Variants in B3GALT1 observed in about 807,000 individuals in gnomAD.
B3GALT1 encodes the protein UDP-Gal:betaGlcNAc beta 1,3-galactosyltransferase, polypeptide 1.
A neutral mutation model predicts 23.2 loss-of-function variants in B3GALT1; 10 were observed. The ratio of observed to expected loss-of-function variants is 0.43; its 90% CI spans 0.27 to 0.73. The LOEUF (loss-of-function observed/expected upper bound fraction) is 0.73. Among genes scored for constraint, B3GALT1 ranks in the 30% least tolerant of loss-of-function variants. B3GALT1 has a pLI of 0.21. For missense variants in B3GALT1, 299 were observed against 405.4 expected (o/e 0.74, Z 2.25); for synonymous variants, 156 against 141.5 (o/e 1.10, Z -0.73).
At chr2:167,864,106 C>G (rs1484535237) in intron 4 of B3GALT1, among the ~76,000 whole-genome samples, 1 of 152,150 alleles carries the variant, frequency 6.6e-6, no homozygotes, top group Non-Finnish European at 1.5e-5. Context: ...CCACCCTGCT[C>G]TCAGCATCTT....
intron 4 of B3GALT1, among the ~76,000 whole-genome samples, chr2:167,834,180 G>A (rs978252695): frequency 4.6e-5 from 7 of 152,184 alleles, no homozygotes; most frequent in African/African-American, 1.7e-4. Context: ...GGGTCATCAT[G>A]TCTTTATACT....
At chr2:167,306,683 C>G (rs913381953) in intron 1 of B3GALT1, among the ~76,000 whole-genome samples, 1 of 151,980 alleles carries the variant, frequency 6.6e-6, no homozygotes, top group Non-Finnish European at 1.5e-5. Flanking sequence ...TCATTGTCTT[C>G]TATGTAACAA....
At chr2:167,864,673 C>T (rs1338159073) in intron 4 of B3GALT1, among the ~76,000 whole-genome samples, 1 of 152,176 alleles carries the variant, frequency 6.6e-6, no homozygotes, top group Non-Finnish European at 1.5e-5. Flanking sequence ...TCTCAACAGG[C>T]CTTAGGAAGC....
At chr2:167,787,216 G>A (rs1688356126) in intron 3 of B3GALT1, among the ~76,000 whole-genome samples, 1 of 152,126 alleles carries the variant, frequency 6.6e-6, no homozygotes. Flanking sequence ...GTGTTGCTAT[G>A]GACAAGTGAC....
intron 2 of B3GALT1, among the ~76,000 whole-genome samples, chr2:167,610,369 C>T (rs1163175727): frequency 1.3e-5 from 2 of 152,046 alleles, no homozygotes; most frequent in Non-Finnish European, 2.9e-5. Context: ...CATTGGAAAA[C>T]ATGTTCCTTG....
intron 4 of B3GALT1, among the ~76,000 whole-genome samples, chr2:167,833,838 C>T (rs1689400427): frequency 6.6e-6 from 1 of 152,174 alleles, no homozygotes; most frequent in South Asian, 2.1e-4. Flanking sequence ...ATACTGGAAG[C>T]TCCTGCTGTA....
At position 167,813,712 on chromosome 2, in the gene B3GALT1, C is replaced by G. The variant is rs145457986; in HGVS notation, c.-351-4960C>G. On this transcript the variant is annotated intron_variant, in intron 3 of 4. Coordinates refer to ENST00000392690, the MANE Select transcript of B3GALT1 (RefSeq NM_020981.4). ...AAAGAGCTCAGAAGAAGAAAGAACTCTGATACATGTGCAGCTTTGTTCAGA... is the reference window on the plus strand; with the variant it reads ...AAAGAGCTCAGAAGAAGAAAGAACTGTGATACATGTGCAGCTTTGTTCAGA... Among the ~76,000 whole-genome samples the G allele has an allele frequency of 2.4e-3, 366 of 152,306 alleles. 1 individual carries two copies. The highest frequency in any genetic ancestry group is 0.017 in the Middle Eastern group (5 of 294).
chr2:167,296,602 G>A (rs1696353270), intron 1 of B3GALT1, among the ~76,000 whole-genome samples: 1 of 152,110 alleles, frequency 6.6e-6, no homozygotes, highest in Non-Finnish European at 1.5e-5. Flanking sequence ...TGATGAATGT[G>A]CATCATAAAG....
chr2:167,427,696 G>C (rs141637888), intron 1 of B3GALT1, among the ~76,000 whole-genome samples: 160 of 152,184 alleles, frequency 1.1e-3, no homozygotes, highest in African/African-American at 3.6e-3. Flanking sequence ...ACCACACCCA[G>C]CTAGTTTTTT....
intron 1 of B3GALT1, among the ~76,000 whole-genome samples, chr2:167,351,857 G>A (rs72886349): frequency 6.8e-6 from 1 of 148,124 alleles, no homozygotes; most frequent in Non-Finnish European, 1.5e-5. Flanking sequence ...TTTCACTCTT[G>A]ACACAGGTAA....
In B3GALT1 at chr2:167,698,392, G is replaced by C. The variant is rs550877700; in HGVS notation, c.-352+51426G>C. On this transcript the variant is annotated intron_variant, in intron 3 of 4. Transcript: ENST00000392690. ...CTCCTTCCTATTTTGCAATCTGTTA[G>C]TGTGTTAATGGATTTAAATGAAAAA... Among the ~76,000 whole-genome samples, 16 of 152,220 alleles carry C rather than the reference G, an allele frequency of 1.1e-4. 1 individual carries two copies. In the South Asian group the frequency reaches 1.2e-3, roughly 12 times the overall value.
chr2:167,430,487 A>C (rs1397551437), intron 1 of B3GALT1, among the ~76,000 whole-genome samples: 1 of 152,170 alleles, frequency 6.6e-6, no homozygotes, highest in Non-Finnish European at 1.5e-5. Context: ...GAGTCAAAGG[A>C]AATCAAGAAG....
At chr2:167,710,297 T>C (rs947261064) in intron 3 of B3GALT1, among the ~76,000 whole-genome samples, 1 of 152,216 alleles carries the variant, frequency 6.6e-6, no homozygotes, top group Non-Finnish European at 1.5e-5. Context: ...TGTGTATGGC[T>C]TATGTACTCA....
intron 3 of B3GALT1, among the ~76,000 whole-genome samples, chr2:167,681,185 A>G (rs1223847925): frequency 6.6e-6 from 1 of 152,228 alleles, no homozygotes; most frequent in Non-Finnish European, 1.5e-5. Flanking sequence ...GCCACATGAT[A>G]TAGAAATATT....
intron 2 of B3GALT1, among the ~76,000 whole-genome samples, chr2:167,512,596 A>ACG (rs1558887816): frequency 0.11 from 8,338 of 75,090 alleles, 846 homozygotes; most frequent in East Asian, 0.19. Context: ...ATATATGTGT[A>ACG]TATATATATA....
At chr2:167,495,819 A>G (rs1699775939) in intron 2 of B3GALT1, among the ~76,000 whole-genome samples, 1 of 152,158 alleles carries the variant, frequency 6.6e-6, no homozygotes, top group Admixed American at 6.5e-5. Context: ...AATGTTTCGT[A>G]TGGTGAAGGG....
At chr2:167,440,765 C>T (rs772742606) in intron 1 of B3GALT1, among the ~76,000 whole-genome samples, 1 of 151,766 alleles carries the variant, frequency 6.6e-6, no homozygotes, top group Admixed American at 6.6e-5. Context: ...TAAAATTGAC[C>T]TTTCTTATCT....
intron 2 of B3GALT1, among the ~76,000 whole-genome samples, chr2:167,513,443 G>T (rs1328650601): frequency 6.6e-6 from 1 of 152,112 alleles, no homozygotes; most frequent in Non-Finnish European, 1.5e-5. Context: ...CAAATCAATG[G>T]CAGAAGACAT....
chr2:167,299,221 A>T (rs7578183), intron 1 of B3GALT1, among the ~76,000 whole-genome samples: 1 of 152,150 alleles, frequency 6.6e-6, no homozygotes. Flanking sequence ...TCATGTGGGT[A>T]ACTTTTCTAG....
Sources: gnomAD v4.1 joint callset for allele counts (sites outside exome capture counted in the v4.1 genomes callset) on GRCh38, gnomAD v4.1.1 for gene constraint, MANE v1.5 for transcripts, NCBI Gene and HGNC (gene_info 2026-07-23, HGNC 2026-07-21) for gene names.